The following SPECC1 variants were observed in gnomAD, a reference collection of about 807,000 sequenced individuals.
SPECC1 encodes the protein cytospin-B.
In SPECC1, 62 loss-of-function variants were observed where a neutral mutation model predicts 104.1. The observed-to-expected ratio is 0.60, with a 90% CI of 0.49 to 0.74. The LOEUF is 0.74. Ranked by LOEUF, SPECC1 falls within the 30% of genes least tolerant of loss-of-function variation. The probability of loss-of-function intolerance (pLI) is 0.00; values close to 1 mark genes in which losing one functional copy is unlikely to be tolerated. For synonymous variants in SPECC1, 513 were observed against 501.6 expected (o/e 1.02, Z -0.30); for missense variants, 1,306 against 1,310.5 (o/e 1.00, Z 0.05).
intron 3 of SPECC1, among the ~76,000 whole-genome samples, chr17:20,132,944 T>C (rs939631550): frequency 6.6e-6 from 1 of 152,094 alleles, no homozygotes; most frequent in Non-Finnish European, 1.5e-5. Context: ...TTTCACTGTG[T>C]TAGGCAGGAT....
intron 1 of SPECC1, among the ~76,000 whole-genome samples, chr17:20,029,792 TCC>T (rs1326688351): frequency 5.9e-5 from 9 of 152,212 alleles, no homozygotes; most frequent in Non-Finnish European, 1.3e-4. Flanking sequence ...GAGTCTTACC[TCC>T]TTTTTGTCAG....
At chr17:20,114,499 T>C (rs898165700) in intron 3 of SPECC1, among the ~76,000 whole-genome samples, 2 of 146,786 alleles carry the variant, frequency 1.4e-5, no homozygotes, top group Non-Finnish European at 2.9e-5. Context: ...CTGTTTTTTT[T>C]TTTGTTTTTT....
At chr17:20,051,068 T>TTTTCTTTC (rs71157856) in intron 1 of SPECC1, among the ~76,000 whole-genome samples, 62 of 90,728 alleles carry the variant, frequency 6.8e-4, no homozygotes, top group East Asian at 3.6e-3. Context: ...CTTTCTTTCT[T>TTTTCTTTC]TTTCTTTCTT....
intron 3 of SPECC1, among the ~76,000 whole-genome samples, chr17:20,193,983 T>C (rs970989832): frequency 3.3e-5 from 5 of 152,246 alleles, no homozygotes; most frequent in African/African-American, 1.2e-4. Flanking sequence ...GAGACTAGAA[T>C]TTAATAACAG....
intron 1 of SPECC1, among the ~76,000 whole-genome samples, chr17:20,051,372 A>G (rs571104471): frequency 7.7e-4 from 117 of 152,000 alleles, no homozygotes; most frequent in African/African-American, 2.7e-3. Context: ...GACAGGTTTC[A>G]CCATGTTGGC....
intron 3 of SPECC1, among the ~76,000 whole-genome samples, chr17:20,130,041 A>G (rs2152546263): frequency 6.6e-6 from 1 of 152,232 alleles, no homozygotes; most frequent in South Asian, 2.1e-4. Flanking sequence ...GGTGTGAGCC[A>G]CTGCGCCCAG....
intron 3 of SPECC1, among the ~76,000 whole-genome samples, chr17:20,176,808 G>T (rs1158141619): frequency 6.6e-6 from 1 of 152,126 alleles, no homozygotes. Context: ...GCCCAGCAGA[G>T]AATTCAGGAT....
intron 3 of SPECC1, among the ~76,000 whole-genome samples, chr17:20,136,851 C>T (rs898769020): frequency 6.6e-6 from 1 of 152,204 alleles, no homozygotes; most frequent in African/African-American, 2.4e-5. Context: ...AGTTCACAGC[C>T]TCATTCCCAA....
At chr17:20,080,093 G>A (rs2152489992) in intron 1 of SPECC1, among the ~76,000 whole-genome samples, 1 of 152,282 alleles carries the variant, frequency 6.6e-6, no homozygotes, top group South Asian at 2.1e-4. Flanking sequence ...CATTATTAAT[G>A]TATCTTGAAA....
rs1483865172 is a variant in SPECC1, at chr17:20,073,710, A to G, written c.-21-22921A>G. ...GAAGCAGAGTTTTTGCAGTAAGTAC[A>G]TCGTTGGTTATTATTTAAGACAGAG... On this transcript the variant is annotated intron_variant, in intron 1 of 14. Coordinates refer to ENST00000395527, the MANE Select transcript of SPECC1 (RefSeq NM_001243439.2). 10 of 152,218 alleles carry G rather than the reference A, an allele frequency of 6.6e-5. No homozygotes were observed. In the East Asian group the frequency reaches 9.6e-4, roughly 15 times the overall value. The allele number at this position is 152,218 out of a possible 1,614,324, so 9.4% of individuals were successfully genotyped here. A position where few individuals can be genotyped will look rare whatever the true frequency, so the allele number is the denominator to read the frequency against.
chr17:20,119,374 A>T (rs760852071), intron 3 of SPECC1, among the ~76,000 whole-genome samples: 2 of 152,244 alleles, frequency 1.3e-5, no homozygotes, highest in Non-Finnish European at 2.9e-5. Context: ...CTGGGATTAC[A>T]GGCTTGCGCC....
intron 1 of SPECC1, among the ~76,000 whole-genome samples, chr17:20,085,262 A>G (rs1007164729): frequency 1.3e-5 from 2 of 152,160 alleles, no homozygotes; most frequent in African/African-American, 4.8e-5. Context: ...GCTTCATGGC[A>G]TGGCTCAGGC....
At chr17:20,185,362 CTTG>C (rs1344244712) in intron 3 of SPECC1, among the ~76,000 whole-genome samples, 1 of 152,198 alleles carries the variant, frequency 6.6e-6, no homozygotes, top group Admixed American at 6.5e-5. Context: ...GCAGGCCCCT[CTTG>C]TTTGCGGGGG....
chr17:20,172,700 T>C (rs1459585967), intron 3 of SPECC1, among the ~76,000 whole-genome samples: 1 of 152,128 alleles, frequency 6.6e-6, no homozygotes, highest in Non-Finnish European at 1.5e-5. Flanking sequence ...GGAAGAAACA[T>C]GGAAGTGTGC....
At chr17:20,303,391 C>T (rs2041656317) in intron 13 of SPECC1, among the ~76,000 whole-genome samples, 1 of 152,162 alleles carries the variant, frequency 6.6e-6, no homozygotes, top group Non-Finnish European at 1.5e-5. Context: ...AAGGAAGGGG[C>T]ATGGCAGCTT....
At chr17:20,095,274 A>G (rs2047590849) in intron 1 of SPECC1, among the ~76,000 whole-genome samples, 1 of 152,234 alleles carries the variant, frequency 6.6e-6, no homozygotes. Context: ...AAATCATCAT[A>G]CTTGGAACAA....
intron 5 of SPECC1, among the ~76,000 whole-genome samples, chr17:20,229,909 T>C (rs1397215888): frequency 6.6e-6 from 1 of 152,182 alleles, no homozygotes; most frequent in Non-Finnish European, 1.5e-5. Flanking sequence ...GTCAGGAAAA[T>C]GTTAACCCCT....
intron 10 of SPECC1, 101 bp from the exon 11 acceptor site, chr17:20,257,350 T>C (rs1425555949): frequency 1.5e-6 from 2 of 1,348,046 alleles, no homozygotes. Flanking sequence ...ATGTTTGCAC[T>C]TGAGGATAAA....
chr17:20,156,801 T>A (rs889959074), intron 3 of SPECC1, among the ~76,000 whole-genome samples: 3 of 152,128 alleles, frequency 2.0e-5, no homozygotes, highest in African/African-American at 7.2e-5. Flanking sequence ...GGCCGTAGTT[T>A]TCGTCCTCTG....
Sources: allele counts gnomAD v4.1 joint callset (sites outside exome capture counted in the v4.1 genomes callset), GRCh38; gene constraint gnomAD v4.1.1; transcripts MANE v1.5; gene names NCBI Gene and HGNC (gene_info 2026-07-23, HGNC 2026-07-21).